The following EPHB1 variants were observed in gnomAD, a reference collection of about 807,000 sequenced individuals.
EPHB1 encodes ephrin type-B receptor 1.
A neutral mutation model predicts 94.4 loss-of-function variants in EPHB1; 30 were observed. The ratio of observed to expected loss-of-function variants is 0.32; its 90% CI spans 0.24 to 0.43. The LOEUF (loss-of-function observed/expected upper bound fraction) is 0.43. Among genes scored for constraint, EPHB1 ranks in the 20% least tolerant of loss-of-function variants. The probability of loss-of-function intolerance (pLI) is 1.00; values close to 1 mark genes in which losing one functional copy is unlikely to be tolerated. For synonymous variants in EPHB1, 522 were observed against 489.1 expected, an observed-to-expected ratio of 1.07 and a Z score of -0.89; for missense variants, 1,055 against 1,308.3, an observed-to-expected ratio of 0.81 and a Z score of 2.99.
intron 4 of EPHB1, among the ~76,000 whole-genome samples, chr3:135,122,448 G>A (rs989079844): frequency 6.6e-6 from 1 of 152,108 alleles, no homozygotes; most frequent in Admixed American, 6.5e-5. Flanking sequence ...ATTTTCAGGG[G>A]TGGCAGCATA....
At chr3:134,969,319 G>A (rs1264078818) in intron 3 of EPHB1, among the ~76,000 whole-genome samples, 1 of 152,076 alleles carries the variant, frequency 6.6e-6, no homozygotes, top group African/African-American at 2.4e-5. Flanking sequence ...ATCCTCTTTT[G>A]TGAAGTGTCT....
At chr3:135,001,593 C>T (rs1935180122) in intron 3 of EPHB1, among the ~76,000 whole-genome samples, 1 of 152,314 alleles carries the variant, frequency 6.6e-6, no homozygotes, top group Non-Finnish European at 1.5e-5. Context: ...CACCACTAAC[C>T]CCAGGCCCAA....
intron 11 of EPHB1, among the ~76,000 whole-genome samples, chr3:135,200,273 A>G (rs571884615): frequency 1.3e-4 from 20 of 152,268 alleles, no homozygotes; most frequent in African/African-American, 4.8e-4. Context: ...TGTTTTATTC[A>G]CTGAAGAGTC....
At chr3:134,805,875 C>A (rs1022421764) in intron 1 of EPHB1, among the ~76,000 whole-genome samples, 2 of 152,162 alleles carry the variant, frequency 1.3e-5, no homozygotes, top group African/African-American at 4.8e-5. Context: ...CCTCTGCTTC[C>A]CTCTATGGGA....
intron 3 of EPHB1, among the ~76,000 whole-genome samples, chr3:135,104,622 A>T (rs1222665576): frequency 2.0e-5 from 3 of 152,234 alleles, no homozygotes; most frequent in Non-Finnish European, 2.9e-5. Flanking sequence ...ATAGCATTTT[A>T]AAAAGTTTTA....
At chr3:134,979,282 G>T (rs535762284) in intron 3 of EPHB1, among the ~76,000 whole-genome samples, 1 of 152,170 alleles carries the variant, frequency 6.6e-6, no homozygotes, top group South Asian at 2.1e-4. Flanking sequence ...TTTGGTAAAG[G>T]AGCATGTTCA....
chr3:134,967,154 C>A (rs1468584872), intron 3 of EPHB1, among the ~76,000 whole-genome samples: 2 of 152,082 alleles, frequency 1.3e-5, no homozygotes, highest in Non-Finnish European at 2.9e-5. Flanking sequence ...GGACTGATGG[C>A]CCAGATATAT....
intron 3 of EPHB1, among the ~76,000 whole-genome samples, chr3:135,104,509 G>C (rs368235618): frequency 1.3e-5 from 2 of 152,068 alleles, no homozygotes; most frequent in South Asian, 2.1e-4. Context: ...TACATGGTTC[G>C]CAACTGACAT....
intron 1 of EPHB1, among the ~76,000 whole-genome samples, chr3:134,879,779 A>G (rs1221830185): frequency 6.6e-6 from 1 of 152,208 alleles, no homozygotes; most frequent in East Asian, 1.9e-4. Context: ...AGAAAGGTTT[A>G]TATCAAAACC....
At chr3:135,057,885 T>C (rs116598378) in intron 3 of EPHB1, among the ~76,000 whole-genome samples, 166 of 152,324 alleles carry the variant, frequency 1.1e-3, no homozygotes, top group African/African-American at 3.8e-3. Flanking sequence ...GTCTTTTAGG[T>C]TGGCTTCATT....
Position 134,966,246 on chromosome 3 carries a change from C to G in EPHB1, c.805+14194C>G, listed in dbSNP as rs367669197. Among the ~76,000 whole-genome samples, 13 of 152,280 alleles carry G rather than the reference C, an allele frequency of 8.5e-5. No individual in the cohort carries two copies. The South Asian group carries it at 1.7e-3, about 19-fold the overall frequency. ...GAGTGAGCCTGGAAGAGAGACACAA[C>G]AGAGAGGCCAGCCCCCGTGCAAATC... On this transcript the variant is annotated intron_variant, in intron 3 of 15. Coordinates refer to ENST00000398015, the MANE Select transcript of EPHB1 (RefSeq NM_004441.5).
At chr3:135,089,866 C>G (rs1239005155) in intron 3 of EPHB1, among the ~76,000 whole-genome samples, 1 of 152,218 alleles carries the variant, frequency 6.6e-6, no homozygotes, top group African/African-American at 2.4e-5. Flanking sequence ...TCTCTAGGTT[C>G]TTCCTGACGT....
At chr3:135,255,200 G>A (rs1933323353) in intron 15 of EPHB1, among the ~76,000 whole-genome samples, 1 of 151,810 alleles carries the variant, frequency 6.6e-6, no homozygotes, top group Admixed American at 6.6e-5. Flanking sequence ...GGTTTTTTAT[G>A]TCTCTATTTC....
chr3:135,200,584 G>A (rs1158719342), intron 11 of EPHB1, among the ~76,000 whole-genome samples: 1 of 152,140 alleles, frequency 6.6e-6, no homozygotes, highest in Non-Finnish European at 1.5e-5. Flanking sequence ...TGTGTTTATT[G>A]AGATTTTCTA....
At chr3:135,245,951 C>A (rs1366420121) in intron 13 of EPHB1, among the ~76,000 whole-genome samples, 1 of 152,068 alleles carries the variant, frequency 6.6e-6, no homozygotes, top group African/African-American at 2.4e-5. Context: ...TTCTCTTGAT[C>A]CCTTGCCAAA....
chr3:135,077,217 G>A (rs1238207697), intron 3 of EPHB1, among the ~76,000 whole-genome samples: 2 of 152,224 alleles, frequency 1.3e-5, no homozygotes, highest in African/African-American at 2.4e-5. Context: ...CGTGGGACAA[G>A]TCTCAGCCTC....
chr3:134,980,332 A>G (rs1307825770), intron 3 of EPHB1, among the ~76,000 whole-genome samples: 1 of 152,196 alleles, frequency 6.6e-6, no homozygotes, highest in Non-Finnish European at 1.5e-5. Flanking sequence ...GTTCCAGTGA[A>G]GAAGGAAAAA....
chr3:135,245,123 C>A (rs1043630829), intron 13 of EPHB1, among the ~76,000 whole-genome samples: 1 of 152,222 alleles, frequency 6.6e-6, no homozygotes, highest in African/African-American at 2.4e-5. Flanking sequence ...TAACTCCCTT[C>A]TTTGCTGGGA....
chr3:134,853,811 A>G (rs2037045293), intron 1 of EPHB1, among the ~76,000 whole-genome samples: 1 of 152,198 alleles, frequency 6.6e-6, no homozygotes, highest in Non-Finnish European at 1.5e-5. Context: ...TTCCCTGCCC[A>G]GGGCCAAAGC....
Sources: gnomAD v4.1 joint callset for allele counts (sites outside exome capture counted in the v4.1 genomes callset) on GRCh38, gnomAD v4.1.1 for gene constraint, MANE v1.5 for transcripts, NCBI Gene and HGNC (gene_info 2026-07-23, HGNC 2026-07-21) for gene names.